PCDH9: variants seen among roughly 807,000 people sequenced by gnomAD.
PCDH9 encodes protocadherin-9.
PCDH9 carries 24 observed loss-of-function variants against 70.6 expected under a neutral mutation model. The observed-to-expected ratio is 0.34, with a 90% CI of 0.25 to 0.48. The LOEUF (loss-of-function observed/expected upper bound fraction) is 0.48, where lower values mean the gene tolerates loss of function less well. Among genes scored for constraint, PCDH9 ranks in the 20% least tolerant of loss-of-function variants. The probability of loss-of-function intolerance (pLI) is 0.99; values close to 1 mark genes in which losing one functional copy is unlikely to be tolerated. For missense variants in PCDH9, 1,281 were observed against 1,503.6 expected, an observed-to-expected ratio of 0.85 and a Z score of 2.45; for synonymous variants, 562 against 558.5, an observed-to-expected ratio of 1.01 and a Z score of -0.09.
intron 4 of PCDH9, among the ~76,000 whole-genome samples, chr13:66,496,209 G>A (rs1396811935): frequency 6.6e-6 from 1 of 152,046 alleles, no homozygotes; most frequent in Non-Finnish European, 1.5e-5. Flanking sequence ...TCATGTTTTT[G>A]AAAAATTAAC....
intron 2 of PCDH9, among the ~76,000 whole-genome samples, chr13:66,987,708 T>G (rs1299551972): frequency 1.3e-5 from 2 of 151,978 alleles, no homozygotes; most frequent in African/African-American, 4.8e-5. Context: ...TTTGTAATTT[T>G]ATTTTAAATA....
At chr13:66,638,011 G>A (rs1489365969) in intron 3 of PCDH9, among the ~76,000 whole-genome samples, 2 of 151,996 alleles carry the variant, frequency 1.3e-5, no homozygotes, top group Non-Finnish European at 2.9e-5. Context: ...AGGTTTCAAT[G>A]AGAGAACCAA....
chr13:66,803,629 T>C (rs1471574802), intron 3 of PCDH9, among the ~76,000 whole-genome samples: 3 of 152,156 alleles, frequency 2.0e-5, no homozygotes, highest in Admixed American at 2.0e-4. Context: ...TGTTTTATTT[T>C]CCCTTTCCTC....
chr13:66,346,263 A>C (rs981915600), intron 4 of PCDH9, among the ~76,000 whole-genome samples: 10 of 152,286 alleles, frequency 6.6e-5, no homozygotes, highest in Non-Finnish European at 4.4e-5. Flanking sequence ...TCCAAACAGC[A>C]AGAATTGTAA....
chr13:66,888,937 A>G (rs752244609), intron 3 of PCDH9, among the ~76,000 whole-genome samples: 8 of 152,198 alleles, frequency 5.3e-5, no homozygotes, highest in Admixed American at 4.6e-4. Flanking sequence ...TAAAAATGAC[A>G]TAAGAAGTTT....
chr13:66,894,373 AT>A (rs2082142946), intron 3 of PCDH9, among the ~76,000 whole-genome samples: 1 of 152,186 alleles, frequency 6.6e-6, no homozygotes, highest in Non-Finnish European at 1.5e-5. Flanking sequence ...AGCTTTTAAC[AT>A]TTTTAAACTC....
At chr13:66,361,130 C>G (rs1355337881) in intron 4 of PCDH9, among the ~76,000 whole-genome samples, 2 of 152,150 alleles carry the variant, frequency 1.3e-5, no homozygotes, top group East Asian at 1.9e-4. Flanking sequence ...ACAAAAGCAC[C>G]ACTGGCATCT....
chr13:67,006,149 C>T (rs1193055664), intron 2 of PCDH9, among the ~76,000 whole-genome samples: 2 of 152,154 alleles, frequency 1.3e-5, no homozygotes, highest in Admixed American at 6.6e-5. Context: ...ATGGCGTGAA[C>T]CCGGGAGGCG....
At chr13:67,001,971 TTAAA>T (rs2084254548) in intron 2 of PCDH9, 1 of 152,328 alleles carries the variant, frequency 6.6e-6, no homozygotes, top group Middle Eastern at 3.4e-3. Context: ...GAATCACTTC[TTAAA>T]TAAATATTGA....
chr13:67,194,386 G>C (rs553871660), intron 2 of PCDH9, among the ~76,000 whole-genome samples: 1 of 148,556 alleles, frequency 6.7e-6, no homozygotes. Context: ...TTTTGTATTT[G>C]ATTTTCCAGA....
chr13:66,693,119 C>G (rs373076556), intron 3 of PCDH9, among the ~76,000 whole-genome samples: 1 of 152,056 alleles, frequency 6.6e-6, no homozygotes, highest in Non-Finnish European at 1.5e-5. Flanking sequence ...TTTTATTCCA[C>G]GTTCTATCCT....
chr13:67,051,549 C>G (rs1006748522), intron 2 of PCDH9, among the ~76,000 whole-genome samples: 1 of 151,624 alleles, frequency 6.6e-6, no homozygotes, highest in African/African-American at 2.4e-5. Context: ...CGTGCCACCA[C>G]GCCCAGCTAA....
intron 2 of PCDH9, among the ~76,000 whole-genome samples, chr13:67,194,769 A>G (rs1321696857): frequency 1.3e-5 from 2 of 152,164 alleles, no homozygotes; most frequent in Admixed American, 1.3e-4. Context: ...ACTCTAGGAG[A>G]ACTGAAAAGT....
chr13:66,784,568 A>G (rs1177173913), intron 3 of PCDH9, among the ~76,000 whole-genome samples: 3 of 152,140 alleles, frequency 2.0e-5, no homozygotes. Context: ...GAGTTTTTCT[A>G]TTACATGCAG....
chr13:66,734,182 A>C (rs1304210861), intron 3 of PCDH9, among the ~76,000 whole-genome samples: 3 of 152,156 alleles, frequency 2.0e-5, no homozygotes, highest in African/African-American at 7.2e-5. Context: ...TGGGCATTTA[A>C]TCAATTAATC....
At chr13:66,899,718 T>G (rs1410282661) in intron 3 of PCDH9, among the ~76,000 whole-genome samples, 1 of 152,000 alleles carries the variant, frequency 6.6e-6, no homozygotes, top group Non-Finnish European at 1.5e-5. Context: ...AAAATGCTTA[T>G]TAAAGGCATT....
At chr13:66,904,165 A>G (rs2082321957) in intron 2 of PCDH9, among the ~76,000 whole-genome samples, 1 of 152,066 alleles carries the variant, frequency 6.6e-6, no homozygotes, top group African/African-American at 2.4e-5. Context: ...GTAGTGTCTT[A>G]AAATACTAGT....
At chr13:66,581,783 T>C (rs1410936423) in intron 4 of PCDH9, among the ~76,000 whole-genome samples, 1 of 152,120 alleles carries the variant, frequency 6.6e-6, no homozygotes, top group Non-Finnish European at 1.5e-5. Flanking sequence ...TTCTTCAGTT[T>C]CTTTGTGGTT....
chr13:66,718,544 A>C (rs1417330431), intron 3 of PCDH9, among the ~76,000 whole-genome samples: 1 of 152,354 alleles, frequency 6.6e-6, no homozygotes, highest in South Asian at 2.1e-4. Context: ...AAGACAAAAC[A>C]TGTTTCTATT....
Sources: allele counts gnomAD v4.1 joint callset (sites outside exome capture counted in the v4.1 genomes callset), GRCh38; gene constraint gnomAD v4.1.1; transcripts MANE v1.5; gene names NCBI Gene and HGNC (gene_info 2026-07-23, HGNC 2026-07-21).